Variants in NPHS2 observed in about 807,000 individuals in gnomAD.
The protein encoded by NPHS2 is NPHS2 stomatin family member, podocin.
Under a neutral mutation model 37.1 loss-of-function variants are expected in NPHS2, and 36 were observed. The ratio of observed to expected loss-of-function variants is 0.97; its 90% CI spans 0.74 to 1.28. The LOEUF (loss-of-function observed/expected upper bound fraction) is 1.28, where lower values mean the gene tolerates loss of function less well. Ranked by LOEUF, NPHS2 falls within the 50% of genes most tolerant of loss-of-function variation. The pLI, the probability that NPHS2 is intolerant of heterozygous loss-of-function variation, is 0.00. For missense variants in NPHS2, 447 were observed against 488.1 expected, an observed-to-expected ratio of 0.92 and a Z score of 0.79; for synonymous variants, 196 against 189.3, an observed-to-expected ratio of 1.04 and a Z score of -0.29.
At chr1:179,567,022 T>G (rs1428169409) in intron 1 of NPHS2, among the ~76,000 whole-genome samples, 1 of 152,210 alleles carries the variant, frequency 6.6e-6, no homozygotes, top group Non-Finnish European at 1.5e-5. Context: ...TTGTTCCTTT[T>G]GCTTAGGATT....
Position 179,554,463 on chromosome 1 carries a change from A to G in NPHS2, c.794+13T>C, listed in dbSNP as rs1423094126. On this transcript the variant is annotated intron_variant, in intron 6 of 7. Transcript: ENST00000367615. ...TTTATCATACAGTTCTTGCTAGTTA[A>G]TTTCCTACCCACATTTCTATTCTCT... 1.9e-6 allele frequency: 3 copies of G among 1,614,110 alleles called. No homozygotes were observed. The highest frequency in any genetic ancestry group is 4.5e-5 in the East Asian group (2 of 44,866).
At chr1:179,573,739 A>G (rs1383952705) in intron 1 of NPHS2, among the ~76,000 whole-genome samples, 1 of 152,252 alleles carries the variant, frequency 6.6e-6, no homozygotes, top group Admixed American at 6.5e-5. Context: ...TACATTTTAT[A>G]AATGAAGAAA....
At position 179,575,819 on chromosome 1, in the gene NPHS2, C is replaced by G; in HGVS notation, c.46G>C (p.Gly16Arg). 2 of 1,460,006 alleles carry G rather than the reference C, an allele frequency of 1.4e-6. No individual in the cohort carries two copies. Among genetic ancestry groups the G allele is most frequent in the South Asian group, 1.5e-5 (1 of 68,754 alleles). The allele number at this position is 1,460,006 out of a possible 1,614,324, so 90.4% of individuals were successfully genotyped here. A position where few individuals can be genotyped will look rare whatever the true frequency, so the allele number is the denominator to read the frequency against. ...RSSSRESRGR[G>R]GRTPHKENKR... Reference sequence around the variant, plus strand: ...TTCTCCTTGTGCGGAGTCCTGCCGCCTCGCCCGCGGGACTCCCTGGAGGAG... The same window carrying G: ...TTCTCCTTGTGCGGAGTCCTGCCGCGTCGCCCGCGGGACTCCCTGGAGGAG... Residue 16 changes from glycine to arginine, a missense_variant, in exon 1 of 8, where the codon GGC becomes CGC. Gly to Arg is a moderately radical substitution (Grantham distance 125). Transcript: ENST00000367615.
intron 3 of NPHS2, 37 bp from the exon 4 acceptor site, chr1:179,559,798 T>G: frequency 7.2e-7 from 1 of 1,380,044 alleles, no homozygotes; most frequent in Non-Finnish European, 1.0e-6. Context: ...GATAAATAGC[T>G]AGCATGAAGG....
chr1:179,572,569 G>A (rs1175547747), intron 1 of NPHS2, among the ~76,000 whole-genome samples: 2 of 152,276 alleles, frequency 1.3e-5, no homozygotes, highest in Admixed American at 6.5e-5. Flanking sequence ...TTAGTTGAGT[G>A]TGAGAAGAAA....
At position 179,575,630 on chromosome 1, in the gene NPHS2, C is replaced by T. The variant is rs772773926; in HGVS notation, c.235G>A (p.Glu79Lys). The T allele has an allele frequency of 6.2e-7, 1 of 1,603,620 alleles. No homozygotes were observed. The highest frequency in any genetic ancestry group is 1.1e-5 in the South Asian group (1 of 91,058). Residue 79 changes from glutamate (E) to lysine (K), a missense_variant, in exon 1 of 8, where the codon GAG becomes AAG. Physicochemically the swap from Glu to Lys is moderately conservative, Grantham distance 56. Transcript: ENST00000367615. ...EVRGSGEEGT[E>K]VVALLESERP... ...TCGCTCTCCAACAGCGCCACCACCT[C>T]GGTGCCCTCCTCGCCGGAGCCTCGG...
At chr1:179,560,303 G>A (rs1674086278) in intron 3 of NPHS2, among the ~76,000 whole-genome samples, 1 of 152,106 alleles carries the variant, frequency 6.6e-6, no homozygotes, top group Non-Finnish European at 1.5e-5. Context: ...TAATATATAG[G>A]ATCAATGTGC....
rs757431701 is a variant in NPHS2 at position 179,552,712 on chromosome 1, G to A, written c.795-31C>T. The A allele has an allele frequency of 3.2e-6, 5 of 1,567,402 alleles. No homozygotes were observed. The South Asian group carries it at 4.5e-5, about 14-fold the overall frequency. On this transcript the variant is annotated intron_variant, in intron 6 of 7. Transcript: ENST00000367615. Reference sequence around the variant, plus strand: ...AAAGAAAGAATGCAGGTATGTAGGTGTGCAGCCATGATTTAGGGGCCAAAG... The same window carrying A: ...AAAGAAAGAATGCAGGTATGTAGGTATGCAGCCATGATTTAGGGGCCAAAG...
chr1:179,572,226 G>C (rs1380609527), intron 1 of NPHS2, among the ~76,000 whole-genome samples: 1 of 152,126 alleles, frequency 6.6e-6, no homozygotes, highest in African/African-American at 2.4e-5. Flanking sequence ...GTGATTCCAA[G>C]CACATGTCCA....
intron 3 of NPHS2, among the ~76,000 whole-genome samples, chr1:179,560,596 C>T (rs1674100145): frequency 6.6e-6 from 1 of 152,134 alleles, no homozygotes; most frequent in South Asian, 2.1e-4. Flanking sequence ...CTAGTCTGGT[C>T]TCTGTGGGCG....
At chr1:179,572,035 C>T (rs888503011) in intron 1 of NPHS2, among the ~76,000 whole-genome samples, 9 of 152,344 alleles carry the variant, frequency 5.9e-5, no homozygotes, top group Admixed American at 1.3e-4. Flanking sequence ...GGTGAGGCAA[C>T]GCCCTGCCCT....
At chr1:179,551,604 C>A in intron 7 of NPHS2, 153 bp from the exon 8 acceptor site, 1 of 840,568 alleles carries the variant, frequency 1.2e-6, no homozygotes, top group Non-Finnish European at 1.9e-6. Flanking sequence ...TCTGAAGGGT[C>A]TTGAGCTGGG....
At chr1:179,572,427 T>C (rs981711877) in intron 1 of NPHS2, among the ~76,000 whole-genome samples, 3 of 152,200 alleles carry the variant, frequency 2.0e-5, no homozygotes, top group East Asian at 1.9e-4. Context: ...TCCAAGATGC[T>C]TGGGTGATAA....
chr1:179,552,588 G>A lies in NPHS2; in HGVS notation c.873+15C>T. 6.2e-7 allele frequency: 1 copy of A among 1,609,484 alleles called. No individual in the cohort carries two copies. The highest frequency in any genetic ancestry group is 8.5e-7 in the Non-Finnish European group (1 of 1,176,294). On this transcript the variant is annotated intron_variant, in intron 7 of 7. Transcript: ENST00000367615. ...TTCCTAAAGGGCAGTCTGGGTGGGA[G>A]GATGGAGTGCTCACCCGCACTTTGG...
At chr1:179,569,176 A>G (rs1224884236) in intron 1 of NPHS2, among the ~76,000 whole-genome samples, 1 of 152,008 alleles carries the variant, frequency 6.6e-6, no homozygotes, top group African/African-American at 2.4e-5. Context: ...TTATTATTGC[A>G]TGGGAATCTA....
At chr1:179,563,051 G>T (rs1324018617) in intron 2 of NPHS2, among the ~76,000 whole-genome samples, 2 of 152,174 alleles carry the variant, frequency 1.3e-5, no homozygotes, top group African/African-American at 4.8e-5. Flanking sequence ...AGAAGAGCCT[G>T]CTGCCAACTA....
At position 179,554,478 on chromosome 1, in the gene NPHS2, T is replaced by C; in HGVS notation, c.792A>G (p.Glu264=). 2 of 1,614,150 alleles carry C rather than the reference T, an allele frequency of 1.2e-6. No individual in the cohort carries two copies. The highest frequency in any genetic ancestry group is 1.7e-6 in the Non-Finnish European group (2 of 1,180,018). The part of the protein sequence containing the change: ...CIWGIKVERI[E]IKDVRLPAGL... Reference sequence around the variant, plus strand: ...TTGCTAGTTAATTTCCTACCCACATTTCTATTCTCTCCACTTTGATTCCCC... The same window carrying C: ...TTGCTAGTTAATTTCCTACCCACATCTCTATTCTCTCCACTTTGATTCCCC... The change falls in exon 6 of 8, where the codon GAA becomes GAG. Residue 264 remains glutamate (E), a splice_region_variant and synonymous_variant. Coordinates refer to ENST00000367615, the MANE Select transcript of NPHS2 (RefSeq NM_014625.4).
At chr1:179,554,701 C>A (rs933209267) in intron 5 of NPHS2, 170 bp from the exon 6 acceptor site, 2 of 820,206 alleles carry the variant, frequency 2.4e-6, no homozygotes, top group South Asian at 1.6e-5. Flanking sequence ...GTTTAACTTG[C>A]ATGGTGCCAC....
chr1:179,572,494 C>G (rs1207323586), intron 1 of NPHS2, among the ~76,000 whole-genome samples: 1 of 152,184 alleles, frequency 6.6e-6, no homozygotes, highest in Non-Finnish European at 1.5e-5. Flanking sequence ...GGGGTCTTGT[C>G]TTATTTACAG....
Sources: allele counts gnomAD v4.1 joint callset (sites outside exome capture counted in the v4.1 genomes callset), GRCh38; gene constraint gnomAD v4.1.1; transcripts MANE v1.5; gene names NCBI Gene and HGNC (gene_info 2026-07-23, HGNC 2026-07-21).